The following AP2A2 variants were observed in gnomAD, a reference collection of about 807,000 sequenced individuals.
AP2A2 encodes adaptor related protein complex 2 subunit alpha 2.
Under a neutral mutation model 104.2 loss-of-function variants are expected in AP2A2, and 32 were observed. The ratio of observed to expected loss-of-function variants is 0.31; its 90% CI spans 0.23 to 0.41. The LOEUF (loss-of-function observed/expected upper bound fraction) is 0.41. Ranked by LOEUF, AP2A2 falls within the 10% of genes least tolerant of loss-of-function variation. The pLI is 1.00. For missense variants in AP2A2, 912 were observed against 1,261.0 expected, an observed-to-expected ratio of 0.72 and a Z score of 4.19; for synonymous variants, 539 against 533.3, an observed-to-expected ratio of 1.01 and a Z score of -0.15.
intron 1 of AP2A2, among the ~76,000 whole-genome samples, chr11:953,921 G>A (rs373408585): frequency 2.0e-5 from 3 of 149,748 alleles, no homozygotes; most frequent in Admixed American, 6.7e-5. Context: ...TGCAACCTCC[G>A]CCTCCTGGGT....
intron 2 of AP2A2, among the ~76,000 whole-genome samples, chr11:969,914 T>C (rs1854760119): frequency 6.6e-6 from 1 of 152,132 alleles, no homozygotes; most frequent in South Asian, 2.1e-4. Context: ...CGTGGGAGGG[T>C]AGAACTCTTG....
intron 9 of AP2A2, among the ~76,000 whole-genome samples, chr11:988,177 C>T (rs571111618): frequency 6.6e-6 from 1 of 152,182 alleles, no homozygotes; most frequent in Non-Finnish European, 1.5e-5. Flanking sequence ...GGGGCAGCTC[C>T]GTGTCCGAGG....
intron 1 of AP2A2, among the ~76,000 whole-genome samples, chr11:946,096 T>G (rs1333031081): frequency 1.3e-5 from 2 of 152,190 alleles, no homozygotes; most frequent in African/African-American, 4.8e-5. Context: ...GTGAAAACAC[T>G]GGCAAAAATG....
chr11:963,187 A>T (rs1854497407), intron 2 of AP2A2, among the ~76,000 whole-genome samples: 1 of 152,106 alleles, frequency 6.6e-6, no homozygotes, highest in Non-Finnish European at 1.5e-5. Context: ...GCCCTTTGGG[A>T]GGCCGAGGTG....
chr11:958,965 G>A (rs1438428012), intron 1 of AP2A2, among the ~76,000 whole-genome samples: 5 of 152,204 alleles, frequency 3.3e-5, no homozygotes, highest in Non-Finnish European at 7.3e-5. Flanking sequence ...AAGAAACTGT[G>A]GAGGTGAATT....
Position 993,895 on chromosome 11 carries a change from C to T in AP2A2, c.1692C>T (p.Ser564=), listed in dbSNP as rs768854930. 2.0e-5 allele frequency: 33 copies of T among 1,610,876 alleles called. No homozygotes were observed. Among genetic ancestry groups the T allele is most frequent in the South Asian group, 3.3e-5 (3 of 91,018 alleles). ...VKPTIQDVLR[S]DSQLRNADVE... is the part of the protein sequence containing the mutation. ...CCACCATCCAGGACGTGCTGCGCAG[C>T]GACAGCCAGCTCAGGAACGCAGACG... The change falls in exon 13 of 22, where the codon AGC becomes AGT. Residue 564 remains serine, a synonymous_variant. Coordinates refer to ENST00000448903, the MANE Select transcript of AP2A2 (RefSeq NM_012305.4). The surrounding 1 kb of genome is among the most constrained non-coding windows in gnomAD (Gnocchi z 8.2).
At chr11:952,406 G>A (rs943485450) in intron 1 of AP2A2, among the ~76,000 whole-genome samples, 8 of 152,180 alleles carry the variant, frequency 5.3e-5, no homozygotes, top group Non-Finnish European at 1.2e-4. Flanking sequence ...GACAATAATT[G>A]TAAAAATTCA....
At chr11:977,255 TC>T in intron 5 of AP2A2, 31 bp downstream of exon 5, 1 of 1,551,282 alleles carries the variant, frequency 6.4e-7, no homozygotes, top group South Asian at 1.2e-5. Context: ...TTCTCCCCGC[TC>T]CCCCAGGTGA....
chr11:946,963 T>C (rs1853861777), intron 1 of AP2A2: 1 of 151,404 alleles, frequency 6.6e-6, no homozygotes, highest in Non-Finnish European at 1.5e-5. Context: ...TAAAAGACAA[T>C]GTAAGTGCAC....
At chr11:1,002,310 C>T (rs563111580) in intron 15 of AP2A2, among the ~76,000 whole-genome samples, 45 of 152,364 alleles carry the variant, frequency 3.0e-4, no homozygotes, top group African/African-American at 1.0e-3. Flanking sequence ...ACCTCCGCCT[C>T]GGCCGGCTCC....
rs759504487 is a variant in AP2A2, at chr11:1,011,324, G to T, written c.*699G>T. ...GCAGCCAGGGGAGGAGCGTCCTGCCGGCCCCGCAGGGCCCCCAGGACTCCA... is the reference window on the plus strand; with the variant it reads ...GCAGCCAGGGGAGGAGCGTCCTGCCTGCCCCGCAGGGCCCCCAGGACTCCA... On this transcript the variant is annotated 3_prime_UTR_variant, in exon 22 of 22. Coordinates refer to ENST00000448903, the MANE Select transcript of AP2A2 (RefSeq NM_012305.4). 1.2e-5 allele frequency: 6 copies of T among 518,552 alleles called. No homozygotes were observed. The highest frequency in any genetic ancestry group is 5.4e-5 in the East Asian group (1 of 18,354). 32.1% of individuals were successfully genotyped at this position (518,552 alleles called of 1,614,324 possible). A position where few individuals can be genotyped will look rare whatever the true frequency, so the allele number is the denominator to read the frequency against.
chr11:998,576 A>G lies in AP2A2; in HGVS notation c.1957-1856A>G, dbSNP rs552982685. ...GTGGAACATTCTAAAGTTACTCAAGACGAATCTTCAAGTTAGGGTGTCTTG... is the reference window on the plus strand; with the variant it reads ...GTGGAACATTCTAAAGTTACTCAAGGCGAATCTTCAAGTTAGGGTGTCTTG... On this transcript the variant is annotated intron_variant, in intron 14 of 21. Transcript: ENST00000448903. 2.6e-5 allele frequency among the ~76,000 whole-genome samples: 4 copies of G among 152,156 alleles called. No individual in the cohort carries two copies. In the South Asian group the frequency reaches 6.2e-4, roughly 24 times the overall value.
intron 1 of AP2A2, among the ~76,000 whole-genome samples, chr11:952,121 C>A (rs534683295): frequency 6.6e-6 from 1 of 152,364 alleles, no homozygotes; most frequent in East Asian, 1.9e-4. Context: ...CCTCCCACTT[C>A]AGCCTCCCAA....
chr11:941,900 T>C (rs1167785177), intron 1 of AP2A2, among the ~76,000 whole-genome samples: 1 of 151,082 alleles, frequency 6.6e-6, no homozygotes, highest in Non-Finnish European at 1.5e-5. Context: ...CATGCTTAAA[T>C]GAAGTAGTAA....
intron 1 of AP2A2, among the ~76,000 whole-genome samples, chr11:930,581 C>T (rs1007053900): frequency 1.5e-4 from 22 of 151,432 alleles, no homozygotes; most frequent in East Asian, 3.9e-4. Flanking sequence ...AGTGCAGTGG[C>T]GCGATCTCGG....
chr11:989,333 C>CA (rs201393139), intron 10 of AP2A2, among the ~76,000 whole-genome samples: 10,931 of 140,894 alleles, frequency 0.078, 452 homozygotes, highest in South Asian at 0.12. Flanking sequence ...AACTCTGTCT[C>CA]AAAAAAAAAA....
At chr11:973,033 A>G (rs1854888195) in intron 4 of AP2A2, among the ~76,000 whole-genome samples, 1 of 152,262 alleles carries the variant, frequency 6.6e-6, no homozygotes, top group Admixed American at 6.5e-5. Flanking sequence ...TGCCACAGGC[A>G]GGGCCCCCAC....
At chr11:937,833 T>C (rs1336464375) in intron 1 of AP2A2, among the ~76,000 whole-genome samples, 1 of 152,212 alleles carries the variant, frequency 6.6e-6, no homozygotes, top group Non-Finnish European at 1.5e-5. Flanking sequence ...AATTGGAGAC[T>C]GTCTATACTT....
chr11:1,008,572 T>C (rs2133792525), intron 18 of AP2A2: 1 of 194,028 alleles, frequency 5.2e-6, no homozygotes, highest in Non-Finnish European at 1.1e-5. Context: ...TTTAAAAGCA[T>C]AGGATTTTCC....
Sources: allele counts gnomAD v4.1 joint callset (sites outside exome capture counted in the v4.1 genomes callset), GRCh38; gene constraint gnomAD v4.1.1; non-coding constraint Gnocchi (gnomAD v3.1); transcripts MANE v1.5; gene names NCBI Gene and HGNC (gene_info 2026-07-23, HGNC 2026-07-21).